The following UNC5D variants were observed in gnomAD, a reference collection of about 807,000 sequenced individuals.
UNC5D encodes the protein netrin receptor UNC5D.
UNC5D carries 39 observed loss-of-function variants against 105.4 expected under a neutral mutation model. That is an observed-to-expected ratio of 0.37 (90% CI 0.29 to 0.48). The LOEUF is 0.48. Among genes scored for constraint, UNC5D ranks in the 20% least tolerant of loss-of-function variants. UNC5D has a pLI of 0.98. For missense variants in UNC5D, 991 were observed against 1,202.4 expected, an observed-to-expected ratio of 0.82 and a Z score of 2.60; for synonymous variants, 452 against 450.4, an observed-to-expected ratio of 1.00 and a Z score of -0.04.
chr8:35,330,282 A>G (rs1443734049), intron 1 of UNC5D, among the ~76,000 whole-genome samples: 1 of 152,190 alleles, frequency 6.6e-6, no homozygotes, highest in Non-Finnish European at 1.5e-5. Context: ...GTATTTATTG[A>G]AACAGGCTTG....
intron 1 of UNC5D, among the ~76,000 whole-genome samples, chr8:35,366,992 C>T (rs1802157254): frequency 1.3e-5 from 2 of 152,174 alleles, no homozygotes; most frequent in South Asian, 4.1e-4. Flanking sequence ...AACAATTTGA[C>T]ATGACTCTAG....
At chr8:35,697,368 A>C (rs1276547227) in intron 7 of UNC5D, among the ~76,000 whole-genome samples, 1 of 151,350 alleles carries the variant, frequency 6.6e-6, no homozygotes, top group African/African-American at 2.4e-5. Context: ...GTATTTTTTA[A>C]TGAGTTTTGA....
In UNC5D at chr8:35,780,891, A is replaced by G. The variant is rs1342079526; in HGVS notation, c.2657+6414A>G. On this transcript the variant is annotated intron_variant, in intron 16 of 16. Transcript: ENST00000404895. Reference sequence around the variant, plus strand: ...AATAAGGATGTTTTTATAATTTGAGAAAGTAAAATCCTAGGAATGATTTAT... The same window carrying G: ...AATAAGGATGTTTTTATAATTTGAGGAAGTAAAATCCTAGGAATGATTTAT... Among the ~76,000 whole-genome samples, 3 of 152,208 alleles carry G rather than the reference A, an allele frequency of 2.0e-5. No homozygotes were observed. In the East Asian group the frequency reaches 5.8e-4, roughly 29 times the overall value.
chr8:35,281,547 C>T (rs561297517), intron 1 of UNC5D, among the ~76,000 whole-genome samples: 4 of 151,978 alleles, frequency 2.6e-5, no homozygotes, highest in Non-Finnish European at 5.9e-5. Context: ...TCAAGCGATT[C>T]TCCTGCCTCA....
At chr8:35,452,466 A>G (rs937498961) in intron 1 of UNC5D, among the ~76,000 whole-genome samples, 1 of 151,900 alleles carries the variant, frequency 6.6e-6, no homozygotes, top group Non-Finnish European at 1.5e-5. Flanking sequence ...GGGTTTCACC[A>G]TGTTAGCCAG....
At chr8:35,547,880 G>A (rs767241471) in intron 1 of UNC5D, among the ~76,000 whole-genome samples, 1 of 152,118 alleles carries the variant, frequency 6.6e-6, no homozygotes, top group Non-Finnish European at 1.5e-5. Context: ...CGATCACAAG[G>A]TGAGGTCCCA....
intron 4 of UNC5D, among the ~76,000 whole-genome samples, chr8:35,647,890 G>A (rs1396377553): frequency 6.6e-6 from 1 of 152,186 alleles, no homozygotes; most frequent in Admixed American, 6.6e-5. Context: ...AAGTTAGCAA[G>A]ATAAAGTAGT....
intron 4 of UNC5D, among the ~76,000 whole-genome samples, chr8:35,621,808 C>T (rs766135349): frequency 6.6e-6 from 1 of 152,156 alleles, no homozygotes; most frequent in Non-Finnish European, 1.5e-5. Context: ...GAGCATGTGC[C>T]TGAGCCTTCA....
intron 4 of UNC5D, among the ~76,000 whole-genome samples, chr8:35,626,996 G>A (rs1821733491): frequency 6.6e-6 from 1 of 152,138 alleles, no homozygotes; most frequent in African/African-American, 2.4e-5. Flanking sequence ...TTTCAGTACT[G>A]ATAACCTAGT....
At chr8:35,647,218 C>G (rs969321099) in intron 4 of UNC5D, among the ~76,000 whole-genome samples, 3 of 152,294 alleles carry the variant, frequency 2.0e-5, no homozygotes, top group Middle Eastern at 3.4e-3. Context: ...ATAATCACAT[C>G]TAGTCTCCAT....
chr8:35,700,351 C>T (rs1827103733), intron 7 of UNC5D, among the ~76,000 whole-genome samples: 1 of 152,026 alleles, frequency 6.6e-6, no homozygotes, highest in African/African-American at 2.4e-5. Context: ...GTCGCAGTGT[C>T]ACACAAATAA....
chr8:35,631,454 G>A (rs892863717), intron 4 of UNC5D, among the ~76,000 whole-genome samples: 2 of 152,302 alleles, frequency 1.3e-5, no homozygotes, highest in Admixed American at 6.5e-5. Flanking sequence ...CCCTTCAACT[G>A]CACCATGCAC....
At chr8:35,422,343 T>C (rs1243699552) in intron 1 of UNC5D, among the ~76,000 whole-genome samples, 2 of 152,228 alleles carry the variant, frequency 1.3e-5, no homozygotes, top group Non-Finnish European at 2.9e-5. Flanking sequence ...ATTTTCTCAG[T>C]TATTCTATGT....
At chr8:35,319,738 C>G (rs1809579727) in intron 1 of UNC5D, among the ~76,000 whole-genome samples, 1 of 151,978 alleles carries the variant, frequency 6.6e-6, no homozygotes, top group Non-Finnish European at 1.5e-5. Flanking sequence ...ATATGGTCCT[C>G]CAGAGTTGTC....
At chr8:35,482,793 CT>C (rs5890816) in intron 1 of UNC5D, among the ~76,000 whole-genome samples, 1,113 of 78,010 alleles carry the variant, frequency 0.014, 5 homozygotes, top group African/African-American at 0.05. Flanking sequence ...TTAAAGAGAT[CT>C]TTTTTTTTTT....
rs1024868931 is a variant in UNC5D, at chr8:35,667,355, G to A, written c.571-16192G>A. ...TTACTATAGTTTCAAGGCTGATGGC[G>A]TGGCCATTTTCCAAAACACTGTTAG... On this transcript the variant is annotated intron_variant, in intron 4 of 16. Coordinates refer to ENST00000404895, the MANE Select transcript of UNC5D (RefSeq NM_080872.4). Among the ~76,000 whole-genome samples, 20 of 152,150 alleles carry A rather than the reference G, an allele frequency of 1.3e-4. 1 individual carries two copies. Among genetic ancestry groups the A allele is most frequent in the Middle Eastern group, 6.3e-3 (2 of 316 alleles).
At chr8:35,714,918 A>G (rs1992090) in intron 8 of UNC5D, among the ~76,000 whole-genome samples, 12,700 of 152,228 alleles carry the variant, frequency 0.083, 1,159 homozygotes, top group African/African-American at 0.22. Context: ...TTGGGAGGCC[A>G]AGGCTGGCAA....
At chr8:35,544,640 TCACTCAG>T in intron 1 of UNC5D, 1 of 1,378,938 alleles carries the variant, frequency 7.3e-7, no homozygotes, top group Admixed American at 2.5e-5. Flanking sequence ...TCTCAGTCTT[TCACTCAG>T]GCTGGAGTGC....
rs1352460669 is a variant in UNC5D, at chr8:35,790,968, CAG to C, written c.*408_*409del. ...CCAGCTGATTCTGGTACTAGATTGT[CAG>C]AGTTTTCTACCAACTGGCATCTGTG... On this transcript the variant is annotated 3_prime_UTR_variant, in exon 17 of 17. Coordinates refer to ENST00000404895, the MANE Select transcript of UNC5D (RefSeq NM_080872.4). 1 of 196,460 alleles carries C rather than the reference CAG, an allele frequency of 5.1e-6. No homozygotes were observed. Among genetic ancestry groups the C allele is most frequent in the East Asian group, 1.2e-4 (1 of 8,658 alleles). 12.2% of individuals were successfully genotyped at this position (196,460 alleles called of 1,614,324 possible).
Sources: allele counts gnomAD v4.1 joint callset (sites outside exome capture counted in the v4.1 genomes callset), GRCh38; gene constraint gnomAD v4.1.1; transcripts MANE v1.5; gene names NCBI Gene and HGNC (gene_info 2026-07-23, HGNC 2026-07-21).